The following CNNM4 variants were observed in gnomAD, a reference collection of about 807,000 sequenced individuals.
The protein encoded by CNNM4 is cyclin and CBS domain divalent metal cation transport mediator 4.
In CNNM4, 32 loss-of-function variants were observed where a neutral mutation model predicts 53.7. The ratio of observed to expected loss-of-function variants is 0.60; its 90% CI spans 0.45 to 0.80. The LOEUF (loss-of-function observed/expected upper bound fraction) is 0.80, where lower values mean the gene tolerates loss of function less well. Ranked by LOEUF, CNNM4 falls within the 30% of genes least tolerant of loss-of-function variation. The pLI, the probability that CNNM4 is intolerant of heterozygous loss-of-function variation, is 0.00. For missense variants in CNNM4, 784 were observed against 1,022.0 expected, an observed-to-expected ratio of 0.77 and a Z score of 3.17; for synonymous variants, 410 against 440.0, an observed-to-expected ratio of 0.93 and a Z score of 0.85.
rs1432863590 is a variant in CNNM4, at chr2:96,760,989, G to C, written c.-11G>C. 1.8e-6 allele frequency: 2 copies of C among 1,110,048 alleles called. No individual in the cohort carries two copies. The highest frequency in any genetic ancestry group is 8.6e-5 in the South Asian group (2 of 23,300). 68.8% of individuals were successfully genotyped at this position (1,110,048 alleles called of 1,614,324 possible). A position where few individuals can be genotyped will look rare whatever the true frequency, so the allele number is the denominator to read the frequency against. On this transcript the variant is annotated 5_prime_UTR_variant, in exon 1 of 7. Transcript: ENST00000377075. Reference sequence around the variant, plus strand: ...CGCGGGGAGCGGCGGCGGCGGCAGAGCCAGAGCAACATGGCGCCGGTGGGC... The same window carrying C: ...CGCGGGGAGCGGCGGCGGCGGCAGACCCAGAGCAACATGGCGCCGGTGGGC...
At chr2:96,775,837 C>T (rs1161806716) in intron 1 of CNNM4, among the ~76,000 whole-genome samples, 5 of 152,238 alleles carry the variant, frequency 3.3e-5, no homozygotes, top group Non-Finnish European at 7.4e-5. Flanking sequence ...GCAGTCCTCC[C>T]ACCTCAGCCT....
chr2:96,799,538 C>T lies in CNNM4; in HGVS notation c.1852-14C>T. ...CCTCACTTGGTCTCTAACTCCAGCC[C>T]TGTGTTTTTTCAGGGGAAGGTGGAG... On this transcript the variant is annotated splice_polypyrimidine_tract_variant and intron_variant, in intron 4 of 6. Coordinates refer to ENST00000377075, the MANE Select transcript of CNNM4 (RefSeq NM_020184.4). The T allele has an allele frequency of 6.4e-7, 1 of 1,551,848 alleles. No homozygotes were observed. The highest frequency in any genetic ancestry group is 8.7e-7 in the Non-Finnish European group (1 of 1,146,478).
At position 96,800,390 on chromosome 2, in the gene CNNM4, A is replaced by T. The variant is rs917295314; in HGVS notation, c.1948+742A>T. ...GAGAGAAAGTCCACTTTGGTGCTGG[A>T]GAACAGGCCACGCCAGTGGGGTACG... On this transcript the variant is annotated intron_variant, in intron 5 of 6. Transcript: ENST00000377075. This position sits in a 1 kb window ranked among gnomAD's most constrained non-coding sequence, Gnocchi z 4.6. 4.6e-5 allele frequency among the ~76,000 whole-genome samples: 7 copies of T among 152,216 alleles called. No individual in the cohort carries two copies. The highest frequency in any genetic ancestry group is 8.8e-5 in the Non-Finnish European group (6 of 68,032).
chr2:96,784,681 C>T (rs554213359), intron 1 of CNNM4, among the ~76,000 whole-genome samples: 4 of 152,268 alleles, frequency 2.6e-5, no homozygotes, highest in African/African-American at 9.6e-5. Flanking sequence ...ATTTCTGTAT[C>T]CCAGCCTGAT....
At chr2:96,774,611 T>C (rs2078907731) in intron 1 of CNNM4, among the ~76,000 whole-genome samples, 1 of 152,138 alleles carries the variant, frequency 6.6e-6, no homozygotes, top group Admixed American at 6.6e-5. Flanking sequence ...TGTGTGGCCC[T>C]AGCAGCCATG....
At position 96,797,420 on chromosome 2, in the gene CNNM4, G is replaced by T; in HGVS notation, c.1547-93G>T. 3.2e-6 allele frequency: 5 copies of T among 1,557,772 alleles called. No homozygotes were observed. Among genetic ancestry groups the T allele is most frequent in the Non-Finnish European group, 3.5e-6 (4 of 1,140,140 alleles). On this transcript the variant is annotated intron_variant, in intron 2 of 6. Coordinates refer to ENST00000377075, the MANE Select transcript of CNNM4 (RefSeq NM_020184.4). The surrounding 1 kb of genome is among the most constrained non-coding windows in gnomAD (Gnocchi z 6.0). ...AGCCTGCTGCTCCTGCGTGGGACTA[G>T]GGGCTGGAGAGCAGGAGCTGCGGGG...
chr2:96,769,721 C>A lies in CNNM4; in HGVS notation c.1402+7320C>A, dbSNP rs557137312. ...CTTGGAGGGTCAGATGGGGTGAAGA[C>A]CATGCACAGACTGTGGGATGGGACC... On this transcript the variant is annotated intron_variant, in intron 1 of 6. Transcript: ENST00000377075. 5.3e-5 allele frequency among the ~76,000 whole-genome samples: 8 copies of A among 152,140 alleles called. No homozygotes were observed. In the South Asian group the frequency reaches 1.0e-3, roughly 20 times the overall value.
intron 1 of CNNM4, among the ~76,000 whole-genome samples, chr2:96,778,277 G>A (rs2153346202): frequency 6.6e-6 from 1 of 151,546 alleles, no homozygotes; most frequent in East Asian, 1.9e-4. Flanking sequence ...ATTCCTAGGG[G>A]CCAGGTGCAG....
At chr2:96,763,156 AT>A (rs1243890110) in intron 1 of CNNM4, among the ~76,000 whole-genome samples, 1 of 152,174 alleles carries the variant, frequency 6.6e-6, no homozygotes, top group Non-Finnish European at 1.5e-5. Context: ...AGTTTTGGTA[AT>A]TGTGGCGCCA....
intron 4 of CNNM4, 33 bp downstream of exon 4, chr2:96,799,259 C>T (rs1460336384): frequency 6.2e-7 from 1 of 1,613,116 alleles, no homozygotes; most frequent in East Asian, 2.2e-5. Context: ...CTGCCACCTG[C>T]TCCCCCTGGC....
At chr2:96,799,527 T>C in intron 4 of CNNM4, 25 bp from the exon 5 acceptor site, 1 of 1,547,168 alleles carries the variant, frequency 6.5e-7, no homozygotes, top group Non-Finnish European at 8.8e-7. Flanking sequence ...ACTTGGTCTC[T>C]AACTCCAGCC....
In CNNM4 at chr2:96,766,622, A is replaced by G. The variant is rs145364041; in HGVS notation, c.1402+4221A>G. Among the ~76,000 whole-genome samples, 312 of 152,150 alleles carry G rather than the reference A, an allele frequency of 2.1e-3. 1 individual carries two copies. The highest frequency in any genetic ancestry group is 6.9e-3 in the African/African-American group (287 of 41,490). On this transcript the variant is annotated intron_variant, in intron 1 of 6. Transcript: ENST00000377075. ...TAGCACACATTGCTCTCTAGCATCT[A>G]TGTAATTTGCTGATTTACTGTGTTG...
At chr2:96,785,439 C>T (rs1245950734) in intron 1 of CNNM4, among the ~76,000 whole-genome samples, 1 of 151,142 alleles carries the variant, frequency 6.6e-6, no homozygotes, top group African/African-American at 2.4e-5. Context: ...GAGTTTGAGA[C>T]CAACCTGGGC....
At chr2:96,772,982 C>G (rs1457375273) in intron 1 of CNNM4, among the ~76,000 whole-genome samples, 6 of 151,898 alleles carry the variant, frequency 4.0e-5, no homozygotes, top group Admixed American at 3.9e-4. Context: ...CACACACACT[C>G]CTACCTCCCA....
Position 96,809,367 on chromosome 2 carries a change from G to C in CNNM4, c.2178G>C (p.Glu726Asp). Residue 726 changes from glutamate to aspartate, a missense_variant, in exon 7 of 7, where the codon GAG becomes GAC. Physicochemically the swap from Glu to Asp is conservative, Grantham distance 45. This residue lies in a region of CNNM4 where 307 missense variants were observed against 376.3 expected (regional missense o/e 0.82). Coordinates refer to ENST00000377075, the MANE Select transcript of CNNM4 (RefSeq NM_020184.4). ...YQNGLLASRMENSPQFPIDGC... is the reference protein window; with the variant it reads ...YQNGLLASRMDNSPQFPIDGC... ...ACGGGCTGCTGGCTTCTCGCATGGA[G>C]AACAGCCCTCAGTTTCCCATAGACG... 6.2e-7 allele frequency: 1 copy of C among 1,614,170 alleles called. No homozygotes were observed. Among genetic ancestry groups the C allele is most frequent in the Non-Finnish European group, 8.5e-7 (1 of 1,180,034 alleles).
chr2:96,782,792 G>A (rs1161742366), intron 1 of CNNM4, among the ~76,000 whole-genome samples: 1 of 152,160 alleles, frequency 6.6e-6, no homozygotes, highest in African/African-American at 2.4e-5. Flanking sequence ...ATGTTGGGGA[G>A]GGTAGGATTA....
intron 1 of CNNM4, among the ~76,000 whole-genome samples, chr2:96,764,472 G>A (rs935472648): frequency 4.6e-5 from 7 of 152,008 alleles, no homozygotes; most frequent in African/African-American, 1.7e-4. Flanking sequence ...TGGAGATGGT[G>A]ATAGTCCCCC....
At chr2:96,792,245 C>CAA (rs541024962) in intron 1 of CNNM4, among the ~76,000 whole-genome samples, 4 of 51,302 alleles carry the variant, frequency 7.8e-5, no homozygotes, top group Non-Finnish European at 7.9e-5. Context: ...GACTCCAGCT[C>CAA]AAAAAAAAAA....
chr2:96,792,885 G>A (rs536811450), intron 1 of CNNM4, among the ~76,000 whole-genome samples: 1 of 152,268 alleles, frequency 6.6e-6, no homozygotes, highest in Non-Finnish European at 1.5e-5. Flanking sequence ...AGACAGGAGT[G>A]TTGGGGGGAT....
Sources: allele counts gnomAD v4.1 joint callset (sites outside exome capture counted in the v4.1 genomes callset), GRCh38; gene constraint gnomAD v4.1.1; regional missense constraint gnomAD v4.1.1; non-coding constraint Gnocchi (gnomAD v3.1); transcripts MANE v1.5; gene names NCBI Gene and HGNC (gene_info 2026-07-23, HGNC 2026-07-21).